The following SPMIP7 variants were observed in gnomAD, a reference collection of about 807,000 sequenced individuals.
The protein encoded by SPMIP7 is protein SPMIP7.
chr7:50,113,433 C>A, the SPMIP7 span, among the ~76,000 whole-genome samples: 1 of 152,124 alleles, frequency 6.6e-6, no homozygotes, highest in African/African-American at 2.4e-5. Flanking sequence ...ACAGCTATTA[C>A]AAATCTGTTT....
the SPMIP7 span, among the ~76,000 whole-genome samples, chr7:50,133,579 G>A: frequency 2.0e-5 from 3 of 152,138 alleles, no homozygotes; most frequent in East Asian, 5.8e-4. Context: ...TTATCTAGCA[G>A]TCCTGTAGGT....
the SPMIP7 span, chr7:50,136,027 G>A: frequency 2.6e-6 from 3 of 1,133,668 alleles, no homozygotes; most frequent in Admixed American, 4.0e-5. Flanking sequence ...ACTGTCAAGG[G>A]GACAGGAGTT....
At chr7:50,151,691 C>A in the SPMIP7 span, 1 of 615,436 alleles carries the variant, frequency 1.6e-6, no homozygotes. Flanking sequence ...GCATCAAGTC[C>A]GAAACAGAAA....
chr7:50,118,860 A>AC, the SPMIP7 span, among the ~76,000 whole-genome samples: 1 of 152,072 alleles, frequency 6.6e-6, no homozygotes, highest in Non-Finnish European at 1.5e-5. Context: ...AATCAAATCC[A>AC]CCCCCAGTGG....
At chr7:50,155,811 A>ACGTGGCTGTCATC in the SPMIP7 span, among the ~76,000 whole-genome samples, 2 of 152,274 alleles carry the variant, frequency 1.3e-5, no homozygotes, top group Non-Finnish European at 1.5e-5. Context: ...CATACTACAC[A>ACGTGGCTGTCATC]CATGGCTGTC....
the SPMIP7 span, chr7:50,104,543 GTTC>G: frequency 4.1e-5 from 11 of 271,142 alleles, no homozygotes; most frequent in African/African-American, 6.8e-5. Context: ...TATGTATATA[GTTC>G]TTCTTATGTT....
chr7:50,152,163 C>T, the SPMIP7 span, among the ~76,000 whole-genome samples: 1 of 152,072 alleles, frequency 6.6e-6, no homozygotes, highest in East Asian at 1.9e-4. Context: ...GCCTGACTAA[C>T]ATTGTGAAAC....
At chr7:50,114,929 C>T in the SPMIP7 span, among the ~76,000 whole-genome samples, 1 of 150,938 alleles carries the variant, frequency 6.6e-6, no homozygotes, top group Non-Finnish European at 1.5e-5. Context: ...ACTTGGGAGG[C>T]TGAGGCAGTA....
chr7:50,158,265 C>T, the SPMIP7 span, among the ~76,000 whole-genome samples: 186 of 151,414 alleles, frequency 1.2e-3, no homozygotes, highest in African/African-American at 4.4e-3. Context: ...CCCCCCATGT[C>T]TTTTCCTAGC....
At chr7:50,125,427 GATTAA>G in the SPMIP7 span, among the ~76,000 whole-genome samples, 2 of 67,596 alleles carry the variant, frequency 3.0e-5, no homozygotes, top group Non-Finnish European at 5.6e-5. Flanking sequence ...CTAGAAAAAT[GATTAA>G]ATTAAACCAA....
chr7:50,134,724 G>A, the SPMIP7 span, among the ~76,000 whole-genome samples: 1 of 152,114 alleles, frequency 6.6e-6, no homozygotes, highest in Non-Finnish European at 1.5e-5. Flanking sequence ...ATAAAACAAA[G>A]CATACCAACT....
At chr7:50,096,752 G>T in the SPMIP7 span, 5 of 839,636 alleles carry the variant, frequency 6.0e-6, no homozygotes, top group South Asian at 3.3e-5. Flanking sequence ...ATCTGAAAAA[G>T]GTTTTATTTT....
chr7:50,123,859 A>T, the SPMIP7 span, among the ~76,000 whole-genome samples: 1 of 152,132 alleles, frequency 6.6e-6, no homozygotes, highest in African/African-American at 2.4e-5. Flanking sequence ...CAGTAATAAA[A>T]TGTTACACTT....
At chr7:50,104,290 C>T in the SPMIP7 span, 2 of 1,305,818 alleles carry the variant, frequency 1.5e-6, no homozygotes, top group African/African-American at 1.5e-5. Flanking sequence ...ACCAAAATCC[C>T]ATTCGCTTTT....
At chr7:50,096,528 G>A in the SPMIP7 span, 1 of 1,551,798 alleles carries the variant, frequency 6.4e-7, no homozygotes, top group South Asian at 1.2e-5. Context: ...CCAGACACAG[G>A]ATTTCAAACA....
the SPMIP7 span, among the ~76,000 whole-genome samples, chr7:50,158,769 G>A: frequency 9.9e-5 from 15 of 151,910 alleles, no homozygotes; most frequent in Admixed American, 2.6e-4. Context: ...TCTCCCCAGC[G>A]TGCCCTGGGC....
the SPMIP7 span, chr7:50,141,603 G>A: frequency 0.23 from 104,152 of 459,544 alleles, 15,934 homozygotes; most frequent in East Asian, 0.65. Context: ...TTATCTCTGT[G>A]ACTTCAGTTT....
the SPMIP7 span, among the ~76,000 whole-genome samples, chr7:50,144,822 C>T: frequency 6.6e-6 from 1 of 152,046 alleles, no homozygotes; most frequent in South Asian, 2.1e-4. Context: ...CTCAGTATAG[C>T]TAAACAATTA....
chr7:50,136,043 A>G, the SPMIP7 span: 1 of 1,327,544 alleles, frequency 7.5e-7, no homozygotes, highest in Non-Finnish European at 1.1e-6. Flanking sequence ...GAGTTTATCC[A>G]CCAGAAATTA....
Sources: allele counts gnomAD v4.1 joint callset (sites outside exome capture counted in the v4.1 genomes callset), GRCh38; gene constraint gnomAD v4.1.1; transcripts MANE v1.5; gene names NCBI Gene and HGNC (gene_info 2026-07-23, HGNC 2026-07-21).